Variants in CALN1 observed in about 807,000 individuals in gnomAD.
CALN1 encodes the protein calneuron 1.
In CALN1, 17 loss-of-function variants were observed where a neutral mutation model predicts 30.6. That is an observed-to-expected ratio of 0.56 (90% CI 0.38 to 0.83). The LOEUF (loss-of-function observed/expected upper bound fraction) is 0.83. Among genes scored for constraint, CALN1 ranks in the 40% least tolerant of loss-of-function variants. The pLI is 0.00. For missense variants in CALN1, 291 were observed against 354.9 expected, an observed-to-expected ratio of 0.82 and a Z score of 1.45; for synonymous variants, 156 against 131.4, an observed-to-expected ratio of 1.19 and a Z score of -1.28.
At chr7:72,328,746 A>C (rs1585503918) in intron 2 of CALN1, among the ~76,000 whole-genome samples, 1 of 152,230 alleles carries the variant, frequency 6.6e-6, no homozygotes, top group East Asian at 1.9e-4. Context: ...CCCAGGCTGG[A>C]GTGCAGTGGC....
intron 4 of CALN1, among the ~76,000 whole-genome samples, chr7:72,080,649 A>G (rs953787495): frequency 6.6e-6 from 1 of 152,068 alleles, no homozygotes; most frequent in Admixed American, 6.5e-5. Flanking sequence ...CACAAGAATG[A>G]GGAAGTGCCT....
At chr7:72,062,518 A>AAAAG (rs1803728898) in intron 4 of CALN1, among the ~76,000 whole-genome samples, 1 of 148,008 alleles carries the variant, frequency 6.8e-6, no homozygotes, top group African/African-American at 2.6e-5. Context: ...TCTCAAAAAA[A>AAAAG]AAAAAAAAAA....
intron 2 of CALN1, among the ~76,000 whole-genome samples, chr7:72,390,557 AG>A (rs1805516768): frequency 6.6e-6 from 1 of 152,220 alleles, no homozygotes; most frequent in South Asian, 2.1e-4. Flanking sequence ...TGGATGGGAA[AG>A]AATATACCTT....
At chr7:72,490,788 C>A in the CALN1 span, among the ~76,000 whole-genome samples, 3 of 152,296 alleles carry the variant, frequency 2.0e-5, no homozygotes, top group East Asian at 5.8e-4. Context: ...TGAGGCCTCC[C>A]AGCCATGCTT....
At chr7:71,896,736 A>G (rs913703665) in intron 5 of CALN1, among the ~76,000 whole-genome samples, 1 of 152,156 alleles carries the variant, frequency 6.6e-6, no homozygotes, top group Non-Finnish European at 1.5e-5. Flanking sequence ...AAAGCTGGGC[A>G]CACGTCTTTG....
At chr7:72,310,828 G>A (rs111696885) in intron 2 of CALN1, among the ~76,000 whole-genome samples, 4 of 150,856 alleles carry the variant, frequency 2.7e-5, no homozygotes, top group Non-Finnish European at 5.9e-5. Context: ...ACTTGAACCC[G>A]GGAGGTGGAG....
At chr7:71,984,057 T>C (rs1040670647) in intron 5 of CALN1, among the ~76,000 whole-genome samples, 1 of 152,136 alleles carries the variant, frequency 6.6e-6, no homozygotes, top group Non-Finnish European at 1.5e-5. Flanking sequence ...ATATAAACTC[T>C]TAAGAGTAAA....
intron 3 of CALN1, among the ~76,000 whole-genome samples, chr7:72,165,589 CCAA>C (rs539990531): frequency 1.3e-5 from 2 of 151,748 alleles, no homozygotes; most frequent in Non-Finnish European, 2.9e-5. Context: ...AACTCTGTCT[CCAA>C]CAACAACAAA....
intron 5 of CALN1, among the ~76,000 whole-genome samples, chr7:71,963,562 C>T (rs2129525395): frequency 6.6e-6 from 1 of 152,256 alleles, no homozygotes; most frequent in South Asian, 2.1e-4. Context: ...ACCTTGGCCT[C>T]CCAAAGTGCT....
intron 2 of CALN1, among the ~76,000 whole-genome samples, chr7:72,345,644 TG>T (rs1345556730): frequency 6.6e-6 from 1 of 151,850 alleles, no homozygotes; most frequent in Non-Finnish European, 1.5e-5. Context: ...CTTGGGAAAT[TG>T]GAGTCTATAA....
At chr7:72,487,197 G>C in the CALN1 span, among the ~76,000 whole-genome samples, 2 of 152,046 alleles carry the variant, frequency 1.3e-5, no homozygotes, top group African/African-American at 4.8e-5. Flanking sequence ...CTTTGATATG[G>C]GTGAGGGATG....
rs564155151 is a variant in CALN1, at chr7:72,011,233, A to C, written c.501+12424T>G. 5.9e-5 allele frequency among the ~76,000 whole-genome samples: 9 copies of C among 151,992 alleles called. No individual in the cohort carries two copies. The South Asian group carries it at 1.9e-3, about 32-fold the overall frequency. Reference sequence around the variant, plus strand: ...GGCAATATAGGAAAAAACAAAAAAAAACAAAAACAAAAAACCAGACAGCAG... The same window carrying C: ...GGCAATATAGGAAAAAACAAAAAAACACAAAAACAAAAAACCAGACAGCAG... On this transcript the variant is annotated intron_variant, in intron 5 of 6. Transcript: ENST00000395275.
In CALN1 at chr7:71,783,576, G is replaced by C. The variant is rs1406214225; in HGVS notation, c.*4199C>G. The C allele has an allele frequency of 1.3e-5, 2 of 152,546 alleles. No homozygotes were observed. The highest frequency in any genetic ancestry group is 6.5e-5 in the Admixed American group (1 of 15,284). The allele number at this position is 152,546 out of a possible 1,614,324, so 9.4% of individuals were successfully genotyped here. A position where few individuals can be genotyped will look rare whatever the true frequency, so the allele number is the denominator to read the frequency against. The stretch of plus-strand genomic sequence containing the variant: ...ACGTGGCCAGGCCAGCCCAAACCAG[G>C]GAGCTGTCCTGGGTGGTTGCATCCT... On this transcript the variant is annotated 3_prime_UTR_variant, in exon 7 of 7. Transcript: ENST00000395275.
intron 1 of CALN1, among the ~76,000 whole-genome samples, chr7:72,443,682 T>G (rs909165183): frequency 6.6e-6 from 1 of 151,914 alleles, no homozygotes; most frequent in Admixed American, 6.6e-5. Context: ...ACTAGACTCA[T>G]GCCTCATGTA....
chr7:72,197,894 T>C (rs1791145132), intron 3 of CALN1, among the ~76,000 whole-genome samples: 1 of 151,776 alleles, frequency 6.6e-6, no homozygotes, highest in Non-Finnish European at 1.5e-5. Flanking sequence ...TACATAAAAA[T>C]AAATGTAAAA....
chr7:72,109,196 T>C (rs959782045), intron 3 of CALN1, among the ~76,000 whole-genome samples: 1 of 152,188 alleles, frequency 6.6e-6, no homozygotes, highest in African/African-American at 2.4e-5. Context: ...TCCAGCATGC[T>C]GAATTCTTTC....
chr7:71,901,416 C>A (rs1793840347), intron 5 of CALN1, among the ~76,000 whole-genome samples: 7 of 110,416 alleles, frequency 6.3e-5, no homozygotes, highest in African/African-American at 1.0e-4. Context: ...TCCTATAATT[C>A]ATATGGAACC....
chr7:72,349,198 T>C (rs1038113514), intron 2 of CALN1, among the ~76,000 whole-genome samples: 2 of 151,804 alleles, frequency 1.3e-5, no homozygotes, highest in Non-Finnish European at 2.9e-5. Context: ...TGATGGCAGG[T>C]GGGACAATAT....
intron 3 of CALN1, among the ~76,000 whole-genome samples, chr7:72,234,985 C>T (rs1001026292): frequency 1.3e-5 from 2 of 152,052 alleles, no homozygotes; most frequent in Admixed American, 6.6e-5. Flanking sequence ...ACTTATAAAA[C>T]AGACCTGGTG....
Sources: allele counts gnomAD v4.1 joint callset (sites outside exome capture counted in the v4.1 genomes callset), GRCh38; gene constraint gnomAD v4.1.1; transcripts MANE v1.5; gene names NCBI Gene and HGNC (gene_info 2026-07-23, HGNC 2026-07-21).